UBE2E2: variants seen among roughly 807,000 people sequenced by gnomAD.
UBE2E2 encodes the protein ubiquitin conjugating enzyme E2 E2, also known as ubiquitin-conjugating enzyme E2 E2.
UBE2E2 carries 6 observed loss-of-function variants against 24.7 expected under a neutral mutation model. That is an observed-to-expected ratio of 0.24 (90% CI 0.13 to 0.48). The LOEUF is 0.48. UBE2E2 is among the 20% of genes least tolerant of loss of function. The probability of loss-of-function intolerance (pLI) is 0.99; values close to 1 mark genes in which losing one functional copy is unlikely to be tolerated. For missense variants in UBE2E2, 169 were observed against 245.0 expected, an observed-to-expected ratio of 0.69 and a Z score of 2.07; for synonymous variants, 104 against 83.6, an observed-to-expected ratio of 1.24 and a Z score of -1.33.
At chr3:23,374,197 T>C (rs1024518677) in intron 3 of UBE2E2, among the ~76,000 whole-genome samples, 5 of 152,188 alleles carry the variant, frequency 3.3e-5, no homozygotes, top group Non-Finnish European at 7.4e-5. Flanking sequence ...TATTCCCAGC[T>C]CTTTTAAATT....
chr3:23,415,693 A>C (rs1458497140), intron 3 of UBE2E2, among the ~76,000 whole-genome samples: 1 of 152,194 alleles, frequency 6.6e-6, no homozygotes, highest in African/African-American at 2.4e-5. Context: ...GACTTTTTGT[A>C]GGTCATATCA....
At chr3:23,372,959 T>C (rs1427327846) in intron 3 of UBE2E2, among the ~76,000 whole-genome samples, 2 of 152,190 alleles carry the variant, frequency 1.3e-5, no homozygotes, top group Non-Finnish European at 2.9e-5. Flanking sequence ...TCCACTATTC[T>C]TATTTCAATG....
At chr3:23,439,617 C>G (rs1284774700) in intron 3 of UBE2E2, among the ~76,000 whole-genome samples, 1 of 152,332 alleles carries the variant, frequency 6.6e-6, no homozygotes, top group Admixed American at 6.5e-5. Flanking sequence ...AATGAACTTT[C>G]TCCAGCTTGT....
intron 3 of UBE2E2, among the ~76,000 whole-genome samples, chr3:23,487,205 G>A (rs909949956): frequency 9.9e-5 from 15 of 152,222 alleles, no homozygotes; most frequent in African/African-American, 3.6e-4. Context: ...GCAGTGCCCA[G>A]GCTCAGCTAC....
intron 5 of UBE2E2, among the ~76,000 whole-genome samples, chr3:23,548,365 A>G (rs2125496981): frequency 6.6e-6 from 1 of 152,312 alleles, no homozygotes; most frequent in African/African-American, 2.4e-5. Context: ...TGTTTGTAAT[A>G]TAAAAACAAT....
chr3:23,323,361 G>A (rs1200542283), intron 3 of UBE2E2, among the ~76,000 whole-genome samples: 1 of 151,998 alleles, frequency 6.6e-6, no homozygotes, highest in Admixed American at 6.6e-5. Flanking sequence ...TTCTTCTAGG[G>A]AATACAAAAG....
intron 3 of UBE2E2, among the ~76,000 whole-genome samples, chr3:23,350,402 T>C (rs574691244): frequency 1.3e-5 from 2 of 152,068 alleles, no homozygotes; most frequent in Non-Finnish European, 2.9e-5. Flanking sequence ...CTTTGATGAG[T>C]TGAGAGAAGA....
At chr3:23,449,863 C>A in intron 3 of UBE2E2, 1 of 985,430 alleles carries the variant, frequency 1.0e-6, no homozygotes, top group Non-Finnish European at 1.2e-6. Flanking sequence ...GGCAGAAACC[C>A]CAGCCCTATA....
Position 23,470,843 on chromosome 3 carries a change from A to G in UBE2E2, c.228-28765A>G, listed in dbSNP as rs539838552. The stretch of plus-strand genomic sequence containing the variant: ...ATATATTTTTTTTTGCGTGAACTCC[A>G]CTTCTTGGAGCTCAAGTTCTTGGCC... On this transcript the variant is annotated intron_variant, in intron 3 of 5. Coordinates refer to ENST00000396703, the MANE Select transcript of UBE2E2 (RefSeq NM_152653.4). Among the ~76,000 whole-genome samples the G allele has an allele frequency of 1.1e-4, 16 of 152,084 alleles. No homozygotes were observed. In the South Asian group the frequency reaches 3.3e-3, roughly 32 times the overall value.
chr3:23,334,893 G>T (rs151186875), intron 3 of UBE2E2, among the ~76,000 whole-genome samples: 1 of 152,168 alleles, frequency 6.6e-6, no homozygotes, highest in African/African-American at 2.4e-5. Context: ...TGTCTGTTCT[G>T]TTTGAAATTC....
intron 3 of UBE2E2, among the ~76,000 whole-genome samples, chr3:23,222,780 G>T (rs1486220439): frequency 6.6e-6 from 1 of 152,018 alleles, no homozygotes; most frequent in Non-Finnish European, 1.5e-5. Flanking sequence ...TTTTAGTTTT[G>T]TAAGTAACCT....
intron 3 of UBE2E2, among the ~76,000 whole-genome samples, chr3:23,395,103 G>A (rs926123870): frequency 6.6e-6 from 1 of 152,200 alleles, no homozygotes; most frequent in South Asian, 2.1e-4. Flanking sequence ...GACTTGGTCA[G>A]AAGGAGGAGC....
intron 3 of UBE2E2, among the ~76,000 whole-genome samples, chr3:23,409,927 C>A (rs1202736376): frequency 6.6e-6 from 1 of 152,280 alleles, no homozygotes; most frequent in South Asian, 2.1e-4. Context: ...ATACTGTCAT[C>A]TTTTCTCTTA....
intron 4 of UBE2E2, among the ~76,000 whole-genome samples, chr3:23,513,901 A>G (rs1488614080): frequency 6.6e-6 from 1 of 152,026 alleles, no homozygotes; most frequent in Non-Finnish European, 1.5e-5. Context: ...ATAGAAACCT[A>G]TGGATGTAGT....
At chr3:23,453,575 C>G (rs1238377189) in intron 3 of UBE2E2, among the ~76,000 whole-genome samples, 1 of 152,090 alleles carries the variant, frequency 6.6e-6, no homozygotes, top group Admixed American at 6.5e-5. Flanking sequence ...GAGGTGCTTA[C>G]AACAGTGGTT....
At chr3:23,582,684 A>C (rs928566354) in intron 5 of UBE2E2, among the ~76,000 whole-genome samples, 2 of 152,092 alleles carry the variant, frequency 1.3e-5, no homozygotes, top group African/African-American at 4.8e-5. Flanking sequence ...CTTGTTGGCC[A>C]CATATATGCC....
At chr3:23,342,787 A>C (rs1695433499) in intron 3 of UBE2E2, among the ~76,000 whole-genome samples, 1 of 152,174 alleles carries the variant, frequency 6.6e-6, no homozygotes, top group East Asian at 1.9e-4. Flanking sequence ...TGGGAGGGGA[A>C]ATTTTCTTAA....
At chr3:23,371,871 A>G (rs1378113889) in intron 3 of UBE2E2, among the ~76,000 whole-genome samples, 3 of 152,166 alleles carry the variant, frequency 2.0e-5, no homozygotes, top group Non-Finnish European at 4.4e-5. Flanking sequence ...TAATCCCAGC[A>G]CTTTGGGAGG....
intron 3 of UBE2E2, among the ~76,000 whole-genome samples, chr3:23,347,340 T>G (rs1449875152): frequency 6.6e-6 from 1 of 152,200 alleles, no homozygotes; most frequent in African/African-American, 2.4e-5. Context: ...TAAGAAAATG[T>G]GGCACATATA....
Sources: allele counts gnomAD v4.1 joint callset (sites outside exome capture counted in the v4.1 genomes callset), GRCh38; gene constraint gnomAD v4.1.1; transcripts MANE v1.5; gene names NCBI Gene and HGNC (gene_info 2026-07-23, HGNC 2026-07-21).